The following MTMR9 variants were observed in gnomAD, a reference collection of about 807,000 sequenced individuals.
MTMR9 encodes myotubularin related protein 9.
MTMR9 carries 39 observed loss-of-function variants against 69.5 expected under a neutral mutation model. The ratio of observed to expected loss-of-function variants is 0.56; its 90% CI spans 0.43 to 0.73. MTMR9 has a LOEUF of 0.73. MTMR9 is among the 30% of genes least tolerant of loss of function. The pLI is 0.00. For synonymous variants in MTMR9, 354 were observed against 240.8 expected, an observed-to-expected ratio of 1.47 and a Z score of -4.35; for missense variants, 900 against 671.2, an observed-to-expected ratio of 1.34 and a Z score of -3.77.
chr8:11,284,946 C>T lies in MTMR9; in HGVS notation c.58C>T (p.Pro20Ser), dbSNP rs780249428. Reference protein sequence around the residue: ...PRVDNVVLHRPFYPAVEGTLC... With the variant: ...PRVDNVVLHRSFYPAVEGTLC... The stretch of plus-strand genomic sequence containing the variant: ...GGTGGACAATGTGGTGCTGCACCGG[C>T]CTTTCTACCCGGCTGTCGAGGGCAC... The change falls in exon 1 of 10, where the codon CCT becomes TCT. Residue 20 changes from proline (P) to serine (S), a missense_variant. By Grantham distance (74) the Pro-to-Ser change is moderately conservative. Transcript: ENST00000221086. The T allele has an allele frequency of 1.7e-5, 27 of 1,613,816 alleles. No homozygotes were observed. The highest frequency in any genetic ancestry group is 2.2e-5 in the Non-Finnish European group (26 of 1,179,954).
In MTMR9 at chr8:11,316,877, A is replaced by G; in HGVS notation, c.1318A>G (p.Asn440Asp). The G allele has an allele frequency of 6.2e-7, 1 of 1,601,812 alleles. No homozygotes were observed. The highest frequency in any genetic ancestry group is 8.5e-7 in the Non-Finnish European group (1 of 1,174,494). The part of the protein sequence containing the change: ...YASQFGTFLG[N>D]NESERCKLKL... ...CTCACAGTTTGGAACATTTCTGGGC[A>G]ACAATGAAAGTGAAAGGTGAGTACA... The change falls in exon 8 of 10, where the codon AAC (asparagine) becomes GAC (aspartate). Residue 440 changes from asparagine (N) to aspartate (D), a missense_variant. Coordinates refer to ENST00000221086, the MANE Select transcript of MTMR9 (RefSeq NM_015458.4).
chr8:11,293,039 G>A lies in MTMR9; in HGVS notation c.183-2155G>A, dbSNP rs567689306. Among the ~76,000 whole-genome samples the A allele has an allele frequency of 3.9e-5, 6 of 152,304 alleles. 1 individual carries two copies. The highest frequency in any genetic ancestry group is 2.4e-5 in the African/African-American group (1 of 41,558). On this transcript the variant is annotated intron_variant, in intron 1 of 9. Transcript: ENST00000221086. ...TTAACTGTAAAACAGCCTCAGGCAA[G>A]TCCTTCAAGAATTATCCAGAAGAAG...
intron 9 of MTMR9, among the ~76,000 whole-genome samples, 192 bp from the exon 10 acceptor site, chr8:11,322,433 G>T (rs754282669): frequency 1.3e-5 from 2 of 152,066 alleles, no homozygotes; most frequent in Non-Finnish European, 2.9e-5. Context: ...CTCAAATATT[G>T]TATTCAATTG....
chr8:11,285,684 A>G (rs1183808111), intron 1 of MTMR9, among the ~76,000 whole-genome samples: 3 of 152,142 alleles, frequency 2.0e-5, no homozygotes, highest in African/African-American at 7.2e-5. Flanking sequence ...TGGACCAGTT[A>G]ACCTCTTTTT....
chr8:11,339,468 T>G, the MTMR9 span, among the ~76,000 whole-genome samples: 1 of 152,236 alleles, frequency 6.6e-6, no homozygotes, highest in Non-Finnish European at 1.5e-5. Context: ...AACCCAGATC[T>G]GTAGGCCAAA....
At position 11,319,703 on chromosome 8, in the gene MTMR9, C is replaced by A; in HGVS notation, c.1351C>A (p.Gln451Lys). ...NESERCKLKL[Q>K]QKTMSLWSWV... ...CTTGATCAGATGTAAGTTGAAGCTA[C>A]AGCAGAAGACGATGTCTTTGTGGTC... Residue 451 changes from glutamine to lysine, a missense_variant, in exon 9 of 10, where the codon CAG (glutamine) becomes AAG (lysine). By Grantham distance (53) the Gln-to-Lys change is moderately conservative. Coordinates refer to ENST00000221086, the MANE Select transcript of MTMR9 (RefSeq NM_015458.4). 1 of 1,613,820 alleles carries A rather than the reference C, an allele frequency of 6.2e-7. No homozygotes were observed. The highest frequency in any genetic ancestry group is 8.5e-7 in the Non-Finnish European group (1 of 1,180,008).
At chr8:11,289,362 G>A (rs145439766) in intron 1 of MTMR9, among the ~76,000 whole-genome samples, 3 of 152,120 alleles carry the variant, frequency 2.0e-5, no homozygotes, top group South Asian at 2.1e-4. Context: ...ACTTAACCTC[G>A]TAGAAACTTA....
chr8:11,315,780 T>G lies in MTMR9; in HGVS notation c.1113+716T>G, dbSNP rs552070541. 2.0e-5 allele frequency: 3 copies of G among 152,412 alleles called. No homozygotes were observed. In the East Asian group the frequency reaches 5.8e-4, roughly 29 times the overall value. The allele number at this position is 152,412 out of a possible 1,614,324, so 9.4% of individuals were successfully genotyped here. ...TGTTTAAGTCAGACCATACTAAGTT[T>G]ATGCTCCATATTTGATGAAAGTCTA... On this transcript the variant is annotated intron_variant, in intron 7 of 9. Transcript: ENST00000221086.
At chr8:11,335,948 GA>G in the MTMR9 span, among the ~76,000 whole-genome samples, 45 of 152,160 alleles carry the variant, frequency 3.0e-4, no homozygotes, top group Non-Finnish European at 6.3e-4. Flanking sequence ...AAGTTGGGGG[GA>G]GGACACAATT....
chr8:11,321,404 T>C, intron 9 of MTMR9: 1 of 456,326 alleles, frequency 2.2e-6, no homozygotes, highest in South Asian at 1.5e-5. Flanking sequence ...CTGTCACATT[T>C]AATAACTGAA....
downstream of MTMR9, chr8:11,332,186 CA>C (rs1423766764): frequency 1.5e-3 from 1,876 of 1,257,272 alleles, no homozygotes; most frequent in South Asian, 3.4e-3. Flanking sequence ...AGACTGAAGA[CA>C]AAAAAAAAAT....
the MTMR9 span, among the ~76,000 whole-genome samples, chr8:11,339,415 G>A: frequency 6.6e-6 from 1 of 152,188 alleles, no homozygotes; most frequent in Admixed American, 6.5e-5. Context: ...ACAGTCCAAA[G>A]GGTCCTTAAT....
intron 1 of MTMR9, among the ~76,000 whole-genome samples, chr8:11,293,594 TG>T (rs1563266530): frequency 6.6e-6 from 1 of 152,168 alleles, no homozygotes. Context: ...TTTTATAGAT[TG>T]GGATTTTAGT....
At chr8:11,314,838 T>C in intron 6 of MTMR9, 85 bp from the exon 7 acceptor site, 2 of 1,331,672 alleles carry the variant, frequency 1.5e-6, no homozygotes. Flanking sequence ...TAAAATGTTG[T>C]GCTCAATAAA....
intron 1 of MTMR9, among the ~76,000 whole-genome samples, chr8:11,290,735 C>G (rs1233415281): frequency 2.0e-5 from 3 of 152,030 alleles, no homozygotes; most frequent in Non-Finnish European, 4.4e-5. Context: ...ATATACGGGT[C>G]TGTTTCTGAG....
In MTMR9 at chr8:11,304,968, G is replaced by C. The variant is rs149073098; in HGVS notation, c.545G>C (p.Gly182Ala). Residue 182 changes from glycine to alanine, a missense_variant, in exon 4 of 10, where the codon GGA becomes GCA. Coordinates refer to ENST00000221086, the MANE Select transcript of MTMR9 (RefSeq NM_015458.4). ...ALRKVATFRH[G>A]GRFPVLSYYH... ...CGGAAGGTAGCTACATTTCGACATG[G>C]AGGGCGCTTCCCAGTACTAAGCTAT... The C allele has an allele frequency of 6.2e-7, 1 of 1,613,970 alleles. No individual in the cohort carries two copies. Among genetic ancestry groups the C allele is most frequent in the African/African-American group, 1.3e-5 (1 of 74,906 alleles).
chr8:11,316,985 A>T, intron 8 of MTMR9, 92 bp downstream of exon 8: 1 of 708,032 alleles, frequency 1.4e-6, no homozygotes, highest in Non-Finnish European at 2.3e-6. Context: ...GACGATTTGG[A>T]TCTATATTAA....
At chr8:11,299,414 A>G (rs1236438717) in intron 2 of MTMR9, among the ~76,000 whole-genome samples, 1 of 152,210 alleles carries the variant, frequency 6.6e-6, no homozygotes, top group Non-Finnish European at 1.5e-5. Context: ...TAATGCTTCA[A>G]CAACACTATG....
chr8:11,291,615 T>C (rs1398559143), intron 1 of MTMR9, among the ~76,000 whole-genome samples: 1 of 152,122 alleles, frequency 6.6e-6, no homozygotes, highest in African/African-American at 2.4e-5. Context: ...CTTAATAGTT[T>C]ATAGCATATT....
Sources: gnomAD v4.1 joint callset for allele counts (sites outside exome capture counted in the v4.1 genomes callset) on GRCh38, gnomAD v4.1.1 for gene constraint, MANE v1.5 for transcripts, NCBI Gene and HGNC (gene_info 2026-07-23, HGNC 2026-07-21) for gene names.